MOB3C: variants seen among roughly 807,000 people sequenced by gnomAD.
MOB3C encodes MOB kinase activator 3C.
In MOB3C, 17 loss-of-function variants were observed where a neutral mutation model predicts 19.8. The observed-to-expected ratio is 0.86, with a 90% confidence interval of 0.59 to 1.29. The LOEUF (loss-of-function observed/expected upper bound fraction) is 1.29, where lower values mean the gene tolerates loss of function less well. MOB3C is among the 50% of genes most tolerant of loss of function. The probability of loss-of-function intolerance (pLI) is 0.00; values close to 1 mark genes in which losing one functional copy is unlikely to be tolerated. For missense variants in MOB3C, 291 were observed against 301.9 expected (o/e 0.96, Z 0.27); for synonymous variants, 101 against 119.2 (o/e 0.85, Z 0.99).
chr1:46,610,153 C>G lies in MOB3C; in HGVS notation c.470G>C (p.Arg157Pro). 1 of 1,614,078 alleles carries G rather than the reference C, an allele frequency of 6.2e-7. No homozygotes were observed. Among genetic ancestry groups the G allele is most frequent in the Non-Finnish European group, 8.5e-7 (1 of 1,180,012 alleles). Reference sequence around the variant, plus strand: ...GACATGGACAAAGACTCGGAAGAGGCGGGTCAGGATCTTGGTGCAGACCTG... The same window carrying G: ...GACATGGACAAAGACTCGGAAGAGGGGGGTCAGGATCTTGGTGCAGACCTG... Reference protein sequence around the residue: ...FQQVCTKILTRLFRVFVHVYI... With the variant: ...FQQVCTKILTPLFRVFVHVYI... The change falls in exon 3 of 4, where the codon CGC becomes CCC. Residue 157 changes from arginine to proline, a missense_variant. Arg to Pro is a moderately radical substitution (Grantham distance 103). Transcript: ENST00000319928.
chr1:46,607,998 G>A lies in MOB3C; in HGVS notation c.*1657C>T, dbSNP rs1006843832. 3 of 152,226 alleles carry A rather than the reference G, an allele frequency of 2.0e-5. No homozygotes were observed. Among genetic ancestry groups the A allele is most frequent in the Non-Finnish European group, 4.4e-5 (3 of 68,062 alleles). 9.4% of individuals were successfully genotyped at this position (152,226 alleles called of 1,614,324 possible). A position where few individuals can be genotyped will look rare whatever the true frequency, so the allele number is the denominator to read the frequency against. On this transcript the variant is annotated 3_prime_UTR_variant, in exon 4 of 4. Coordinates refer to ENST00000319928, the MANE Select transcript of MOB3C (RefSeq NM_201403.3). ...CTCCATCTGTTTCCCCAAAGTACAG[G>A]CAGCTTCTAGGCCATTGAGTGGGGC...
At chr1:46,612,840 C>T in intron 2 of MOB3C, 64 bp downstream of exon 2, 1 of 1,469,278 alleles carries the variant, frequency 6.8e-7, no homozygotes, top group East Asian at 2.3e-5. Context: ...GTGTCTATAT[C>T]AAACTAAATC....
intron 2 of MOB3C, among the ~76,000 whole-genome samples, chr1:46,610,927 A>C (rs11211325): frequency 0.52 from 78,914 of 152,020 alleles, 21,165 homozygotes; most frequent in East Asian, 0.94. Flanking sequence ...AACTGGGTCC[A>C]TTTAAAAAAT....
chr1:46,613,294 C>A lies in MOB3C; in HGVS notation c.28G>T (p.Ala10Ser). MALCLKQVF[A>S]KDKTFRPRKR... ...CGCGGCCGGAACGTCTTGTCCTTGG[C>A]GAACACCTGCTTCAGGCACAGGGCC... The change falls in exon 2 of 4, where the codon GCC (alanine) becomes TCC (serine). Residue 10 changes from alanine (A) to serine (S), a missense_variant. Coordinates refer to ENST00000319928, the MANE Select transcript of MOB3C (RefSeq NM_201403.3). 1 of 1,607,990 alleles carries A rather than the reference C, an allele frequency of 6.2e-7. No homozygotes were observed. Among genetic ancestry groups the A allele is most frequent in the African/African-American group, 1.3e-5 (1 of 75,066 alleles).
At chr1:46,613,518 G>T in intron 1 of MOB3C, 147 bp from the exon 2 acceptor site, 1 of 746,504 alleles carries the variant, frequency 1.3e-6, no homozygotes, top group Non-Finnish European at 2.1e-6. Context: ...CAGCCCCTAG[G>T]TCCAGTGCCC....
chr1:46,614,539 C>G (rs1675530053), intron 1 of MOB3C: 2 of 177,244 alleles, frequency 1.1e-5, no homozygotes, highest in African/African-American at 4.7e-5. Flanking sequence ...AGACTGAGCA[C>G]TAAGGCTGAG....
At position 46,609,334 on chromosome 1, in the gene MOB3C, C is replaced by A. The variant is rs1053097550; in HGVS notation, c.*321G>T. 2 of 454,302 alleles carry A rather than the reference C, an allele frequency of 4.4e-6. No homozygotes were observed. The highest frequency in any genetic ancestry group is 3.7e-5 in the Admixed American group (1 of 27,212). The allele number at this position is 454,302 out of a possible 1,614,324, so 28.1% of individuals were successfully genotyped here. On this transcript the variant is annotated 3_prime_UTR_variant, in exon 4 of 4. Transcript: ENST00000319928. ...CCATCACCTCGGCCACACCCACATT[C>A]CTCCAATAGGCTTGGGAACCAGCAT...
chr1:46,614,761 C>G (rs1208574317), intron 1 of MOB3C: 1 of 527,988 alleles, frequency 1.9e-6, no homozygotes, highest in Non-Finnish European at 3.4e-6. Context: ...CAGGTGACAC[C>G]TGGGTAAAAG....
Position 46,613,035 on chromosome 1 carries a change from T to C in MOB3C, c.287A>G (p.Tyr96Cys), listed in dbSNP as rs772855014. ...SCPVMAGGPR[Y>C]EYRWQDERQY... Reference sequence around the variant, plus strand: ...GCGCTCGTCCTGCCAGCGGTACTCGTAGCGGGGCCCGCCGGCCATGACCGG... The same window carrying C: ...GCGCTCGTCCTGCCAGCGGTACTCGCAGCGGGGCCCGCCGGCCATGACCGG... The change falls in exon 2 of 4, where the codon TAC (tyrosine) becomes TGC (cysteine). Residue 96 changes from tyrosine to cysteine, a missense_variant. Tyr to Cys is a radical substitution (Grantham distance 194). Coordinates refer to ENST00000319928, the MANE Select transcript of MOB3C (RefSeq NM_201403.3). The C allele has an allele frequency of 2.5e-6, 4 of 1,614,002 alleles. No homozygotes were observed. Among genetic ancestry groups the C allele is most frequent in the South Asian group, 1.1e-5 (1 of 91,082 alleles).
At position 46,613,027 on chromosome 1, in the gene MOB3C, G is replaced by T. The variant is rs1006451264; in HGVS notation, c.295C>A (p.Arg99Ser). 4.3e-6 allele frequency: 7 copies of T among 1,613,918 alleles called. No homozygotes were observed. Among genetic ancestry groups the T allele is most frequent in the East Asian group, 2.2e-5 (1 of 44,886 alleles). Residue 99 changes from arginine to serine, a missense_variant, in exon 2 of 4, where the codon CGC (arginine) becomes AGC (serine). Physicochemically the swap from Arg to Ser is moderately radical, Grantham distance 110. Transcript: ENST00000319928. Reference sequence around the variant, plus strand: ...CGGTACTGGCGCTCGTCCTGCCAGCGGTACTCGTAGCGGGGCCCGCCGGCC... The same window carrying T: ...CGGTACTGGCGCTCGTCCTGCCAGCTGTACTCGTAGCGGGGCCCGCCGGCC... ...VMAGGPRYEY[R>S]WQDERQYRRP...
intron 3 of MOB3C, 86 bp downstream of exon 3, chr1:46,609,916 T>C: frequency 1.4e-6 from 2 of 1,477,640 alleles, no homozygotes; most frequent in Non-Finnish European, 1.9e-6. Flanking sequence ...TACTTGGGCG[T>C]TGGAGTTACT....
At chr1:46,610,863 A>G (rs921640538) in intron 2 of MOB3C, among the ~76,000 whole-genome samples, 2 of 152,228 alleles carry the variant, frequency 1.3e-5, no homozygotes, top group African/African-American at 4.8e-5. Context: ...AATATGTGCA[A>G]TTGCAGAGAT....
Position 46,609,421 on chromosome 1 carries a change from G to C in MOB3C, c.*234C>G, listed in dbSNP as rs1675423891. ...TACCCTACTCCCAGACTTCATGCCA[G>C]AGGTTTAACTCCACTTCCCTTCTGT... On this transcript the variant is annotated 3_prime_UTR_variant, in exon 4 of 4. Coordinates refer to ENST00000319928, the MANE Select transcript of MOB3C (RefSeq NM_201403.3). 1.7e-6 allele frequency: 1 copy of C among 605,492 alleles called. No individual in the cohort carries two copies. The highest frequency in any genetic ancestry group is 3.0e-6 in the Non-Finnish European group (1 of 338,960). 37.5% of individuals were successfully genotyped at this position (605,492 alleles called of 1,614,324 possible).
chr1:46,615,046 T>C (rs1455207221), intron 1 of MOB3C: 1 of 1,613,070 alleles, frequency 6.2e-7, no homozygotes, highest in Non-Finnish European at 8.5e-7. Context: ...GGGACCCCAG[T>C]TTCCAGAGCA....
At chr1:46,616,053 T>A (rs2148805672) in intron 1 of MOB3C, 2 of 152,420 alleles carry the variant, frequency 1.3e-5, no homozygotes, top group Non-Finnish European at 2.9e-5. Flanking sequence ...AGAACCTCTG[T>A]CTCTCCCTGA....
At chr1:46,609,876 G>T in intron 3 of MOB3C, 126 bp downstream of exon 3, 2 of 1,262,456 alleles carry the variant, frequency 1.6e-6, no homozygotes, top group Non-Finnish European at 2.3e-6. Context: ...AGAATTCACT[G>T]TTAAATGAAT....
intron 2 of MOB3C, among the ~76,000 whole-genome samples, 158 bp from the exon 3 acceptor site, chr1:46,610,362 C>T (rs1675444603): frequency 6.6e-6 from 1 of 152,118 alleles, no homozygotes; most frequent in African/African-American, 2.4e-5. Context: ...GACTTTCTCC[C>T]ATACTTTTCT....
chr1:46,610,740 C>A (rs1189692703), intron 2 of MOB3C, among the ~76,000 whole-genome samples: 1 of 152,216 alleles, frequency 6.6e-6, no homozygotes, highest in Non-Finnish European at 1.5e-5. Context: ...CTGGAATATA[C>A]ATCATCTTCC....
At chr1:46,612,300 C>T (rs1025091963) in intron 2 of MOB3C, among the ~76,000 whole-genome samples, 7 of 152,178 alleles carry the variant, frequency 4.6e-5, no homozygotes, top group Non-Finnish European at 1.0e-4. Context: ...CCCCGGGAGG[C>T]TGGAGGTCAA....
Sources: gnomAD v4.1 joint callset for allele counts (sites outside exome capture counted in the v4.1 genomes callset) on GRCh38, gnomAD v4.1.1 for gene constraint, MANE v1.5 for transcripts, NCBI Gene and HGNC (gene_info 2026-07-23, HGNC 2026-07-21) for gene names.